RBFOX1: variants seen among roughly 807,000 people sequenced by gnomAD.
RBFOX1 encodes RNA binding fox-1 homolog 1, also known as RNA binding protein fox-1 homolog 1.
Under a neutral mutation model 57.7 loss-of-function variants are expected in RBFOX1, and 8 were observed. The observed-to-expected ratio is 0.14, with a 90% CI of 0.08 to 0.25. The LOEUF (loss-of-function observed/expected upper bound fraction) is 0.25, where lower values mean the gene tolerates loss of function less well. RBFOX1 is among the 10% of genes least tolerant of loss of function. The pLI is 1.00. For synonymous variants in RBFOX1, 326 were observed against 222.4 expected (o/e 1.47, Z -4.15); for missense variants, 611 against 548.5 (o/e 1.11, Z -1.14).
chr16:7,228,937 A>G (rs1237250519), intron 4 of RBFOX1, among the ~76,000 whole-genome samples: 3 of 152,198 alleles, frequency 2.0e-5, no homozygotes, highest in East Asian at 1.9e-4. Flanking sequence ...GGTAGAGAGT[A>G]TAATAATATT....
At position 6,890,794 on chromosome 16, in the gene RBFOX1, C is replaced by CT. The variant is rs541343707; in HGVS notation, c.-15-161262dup. The stretch of plus-strand genomic sequence containing the variant: ...CTTTTTTAACCTACGTACCCACTCT[C>CT]TGTTCTGTGTGAAAAGTAACTGGAA... On this transcript the variant is annotated intron_variant, in intron 3 of 15. Transcript: ENST00000550418. 1.4e-4 allele frequency among the ~76,000 whole-genome samples: 22 copies of CT among 152,346 alleles called. 1 individual carries two copies. In the South Asian group the frequency reaches 4.6e-3, roughly 32 times the overall value.
intron 4 of RBFOX1, among the ~76,000 whole-genome samples, chr16:7,175,409 C>T (rs79281489): frequency 0.053 from 8,071 of 152,248 alleles, 282 homozygotes; most frequent in Middle Eastern, 0.11. Flanking sequence ...TCAGCAAAGG[C>T]ATGGGCAGGG....
chr16:7,382,895 C>T (rs577218599), intron 4 of RBFOX1, among the ~76,000 whole-genome samples: 2 of 152,164 alleles, frequency 1.3e-5, no homozygotes, highest in Non-Finnish European at 2.9e-5. Flanking sequence ...CTGCCTACAT[C>T]AAGTATGTTT....
At chr16:6,208,259 A>G (rs1031174455) in intron 1 of RBFOX1, among the ~76,000 whole-genome samples, 2 of 152,086 alleles carry the variant, frequency 1.3e-5, no homozygotes, top group African/African-American at 4.8e-5. Context: ...GGGTGATGGG[A>G]TATGGAATTT....
chr16:5,915,922 T>C (rs976403749), intron 4 of RBFOX1, among the ~76,000 whole-genome samples: 1 of 152,170 alleles, frequency 6.6e-6, no homozygotes, highest in African/African-American at 2.4e-5. Context: ...GATGATCACA[T>C]TGGGAATAAT....
intron 4 of RBFOX1, among the ~76,000 whole-genome samples, chr16:5,978,687 T>G (rs28652984): frequency 0.34 from 51,222 of 149,818 alleles, 9,130 homozygotes; most frequent in East Asian, 0.44. Flanking sequence ...TGTTTTTTTT[T>G]TTGTTGTTGT....
rs542462993 is a variant in RBFOX1 at position 6,507,223 on chromosome 16, C to T, written c.-63-147380C>T. On this transcript the variant is annotated intron_variant, in intron 2 of 15. Transcript: ENST00000550418. The stretch of plus-strand genomic sequence containing the variant: ...TTTTACCTTCCTCCAATCCATTATA[C>T]ACATGATAGACAAAATTACTTAAAA... Among the ~76,000 whole-genome samples the T allele has an allele frequency of 1.1e-4, 16 of 152,238 alleles. No homozygotes were observed. The South Asian group carries it at 3.3e-3, about 32-fold the overall frequency.
intron 1 of RBFOX1, among the ~76,000 whole-genome samples, chr16:6,296,444 G>A (rs2078119442): frequency 7.1e-6 from 1 of 141,408 alleles, no homozygotes; most frequent in African/African-American, 2.6e-5. Context: ...TTTTCGAGGT[G>A]GAGTCTCGCT....
chr16:5,531,920 C>T (rs993002352), intron 2 of RBFOX1, among the ~76,000 whole-genome samples: 1 of 151,962 alleles, frequency 6.6e-6, no homozygotes, highest in Non-Finnish European at 1.5e-5. Flanking sequence ...CTGCCTCAGC[C>T]TCCTGAATAG....
chr16:7,601,296 C>G (rs947644436), intron 9 of RBFOX1, among the ~76,000 whole-genome samples: 2 of 152,150 alleles, frequency 1.3e-5, no homozygotes, highest in African/African-American at 2.4e-5. Context: ...AACTACATCA[C>G]AGTTCTTTGT....
At chr16:6,395,749 A>G (rs1386993355) in intron 2 of RBFOX1, among the ~76,000 whole-genome samples, 3 of 152,128 alleles carry the variant, frequency 2.0e-5, no homozygotes, top group African/African-American at 4.8e-5. Flanking sequence ...TTGTGTACCA[A>G]ATATATTTCA....
At chr16:7,582,767 A>G (rs1002823922) in intron 6 of RBFOX1, among the ~76,000 whole-genome samples, 19 of 152,196 alleles carry the variant, frequency 1.2e-4, no homozygotes, top group Admixed American at 6.5e-4. Flanking sequence ...ACAGGGGTTT[A>G]CAGTGAGGAC....
chr16:7,198,306 A>C (rs533749644), intron 4 of RBFOX1, among the ~76,000 whole-genome samples: 3 of 152,108 alleles, frequency 2.0e-5, no homozygotes, highest in African/African-American at 7.2e-5. Context: ...CACATGGCCA[A>C]TATACCCGGT....
At chr16:5,599,320 C>A (rs760379179) in exon 3 of RBFOX1, 2 of 619,444 alleles carry the variant, frequency 3.2e-6, no homozygotes, top group South Asian at 1.9e-5. Flanking sequence ...TGAAAGAAGT[C>A]GAATGTCATT....
rs182603485 is a variant in RBFOX1, at chr16:6,499,978, G to C, written c.-63-154625G>C. On this transcript the variant is annotated intron_variant, in intron 2 of 15. Coordinates refer to ENST00000550418, the MANE Select transcript of RBFOX1 (RefSeq NM_018723.4). ...ATGTTTACCTGCCGCCTCGTGAAGG[G>C]CTTTCAGCATTTTTTGGGACCTCCT... is the stretch of plus-strand genomic sequence containing the variant. 1.6e-4 allele frequency among the ~76,000 whole-genome samples: 25 copies of C among 152,214 alleles called. No individual in the cohort carries two copies. In the East Asian group the frequency reaches 4.6e-3, roughly 28 times the overall value.
chr16:6,214,256 T>C (rs2152859295), intron 1 of RBFOX1, among the ~76,000 whole-genome samples: 1 of 152,252 alleles, frequency 6.6e-6, no homozygotes, highest in East Asian at 1.9e-4. Context: ...CTTCAGAATC[T>C]TTAATATGCT....
At chr16:6,136,381 A>G (rs2096667681) in intron 1 of RBFOX1, among the ~76,000 whole-genome samples, 1 of 152,140 alleles carries the variant, frequency 6.6e-6, no homozygotes, top group African/African-American at 2.4e-5. Context: ...TGTGAGCCAT[A>G]TGTCTCAGGT....
intron 4 of RBFOX1, among the ~76,000 whole-genome samples, chr16:7,376,593 G>C (rs529207428): frequency 2.0e-5 from 3 of 152,142 alleles, no homozygotes; most frequent in African/African-American, 7.2e-5. Flanking sequence ...ACTACCAGGG[G>C]ATGTCATGTT....
At chr16:5,512,995 A>C (rs1048623954) in intron 2 of RBFOX1, among the ~76,000 whole-genome samples, 1 of 152,184 alleles carries the variant, frequency 6.6e-6, no homozygotes, top group Non-Finnish European at 1.5e-5. Flanking sequence ...AGCTCACTGC[A>C]ACCTCCACCT....
Sources: gnomAD v4.1 joint callset for allele counts (sites outside exome capture counted in the v4.1 genomes callset) on GRCh38, gnomAD v4.1.1 for gene constraint, MANE v1.5 for transcripts, NCBI Gene and HGNC (gene_info 2026-07-23, HGNC 2026-07-21) for gene names.